The following PIEZO2 variants were observed in gnomAD, a reference collection of about 807,000 sequenced individuals.
The protein encoded by PIEZO2 is piezo-type mechanosensitive ion channel component 2.
PIEZO2 carries 172 observed loss-of-function variants against 337.3 expected under a neutral mutation model. The observed-to-expected ratio is 0.51, with a 90% CI of 0.45 to 0.58. The LOEUF (loss-of-function observed/expected upper bound fraction) is 0.58. Ranked by LOEUF, PIEZO2 falls within the 20% of genes least tolerant of loss-of-function variation. PIEZO2 has a pLI of 0.00. For synonymous variants in PIEZO2, 1,251 were observed against 1,228.5 expected (o/e 1.02, Z -0.38); for missense variants, 3,028 against 3,391.3 (o/e 0.89, Z 2.66).
intron 7 of PIEZO2, among the ~76,000 whole-genome samples, chr18:10,844,943 A>T (rs2041308915): frequency 6.6e-6 from 1 of 152,130 alleles, no homozygotes; most frequent in Non-Finnish European, 1.5e-5. Context: ...AGATTGCTTA[A>T]AACCAAAATT....
At chr18:10,797,671 T>G in intron 11 of PIEZO2, 149 bp from the exon 12 acceptor site, 1 of 1,281,980 alleles carries the variant, frequency 7.8e-7, no homozygotes, top group Non-Finnish European at 1.0e-6. Context: ...CCCTTAAAAT[T>G]CAAACAGAAT....
At position 10,705,633 on chromosome 18, in the gene PIEZO2, TCCCTGGGCTCAGG is replaced by T; in HGVS notation, c.5689_5701del (p.Pro1897ArgfsTer28). The T allele has an allele frequency of 6.5e-7, 1 of 1,537,116 alleles. No individual in the cohort carries two copies. The highest frequency in any genetic ancestry group is 8.7e-7 in the Non-Finnish European group (1 of 1,146,910). The stretch of plus-strand genomic sequence containing the variant: ...CCCAGTGGCCTCGTACTCCTTGGCC[TCCCTGGGCTCAGG>T]CGCCGTGCTCCCTGCCTCCTCCTCC... On this transcript the variant is annotated frameshift_variant, in exon 41 of 56. Coordinates refer to ENST00000674853, the MANE Select transcript of PIEZO2 (RefSeq NM_001378183.1). LOFTEE classifies it high-confidence loss of function.
At position 10,952,477 on chromosome 18, in the gene PIEZO2, T is replaced by C. The variant is rs1384080140; in HGVS notation, c.286+27058A>G. Among the ~76,000 whole-genome samples the C allele has an allele frequency of 1.3e-5, 2 of 152,202 alleles. No individual in the cohort carries two copies. Among genetic ancestry groups the C allele is most frequent in the East Asian group, 3.9e-4 (2 of 5,192 alleles). On this transcript the variant is annotated intron_variant, in intron 3 of 55. Transcript: ENST00000674853. This position sits in a 1 kb window ranked among gnomAD's most constrained non-coding sequence, Gnocchi z 4.1. ...AAATATAATCATATAGTATGTAGCA[T>C]TCTGATACTGTCTGAATTCACTTAA...
intron 7 of PIEZO2, among the ~76,000 whole-genome samples, chr18:10,843,787 A>G (rs2041266349): frequency 6.6e-6 from 1 of 152,142 alleles, no homozygotes; most frequent in Admixed American, 6.5e-5. Context: ...CCAGGGTTCA[A>G]ATGCTATGCA....
At chr18:10,803,161 G>C (rs549729372) in intron 9 of PIEZO2, among the ~76,000 whole-genome samples, 1 of 152,180 alleles carries the variant, frequency 6.6e-6, no homozygotes, top group South Asian at 2.1e-4. Context: ...ACCCCGACTG[G>C]ATCATTTATC....
chr18:11,045,298 A>T, intron 2 of PIEZO2, among the ~76,000 whole-genome samples: 1 of 103,252 alleles, frequency 9.7e-6, no homozygotes, highest in South Asian at 2.9e-4. Context: ...TCCGTCTCAA[A>T]AAAAAAAAAA....
intron 1 of PIEZO2, among the ~76,000 whole-genome samples, chr18:11,081,871 T>A (rs1289727591): frequency 3.9e-5 from 6 of 151,958 alleles, no homozygotes; most frequent in Admixed American, 3.9e-4. Context: ...GCGATTCTCC[T>A]GTCTCAGCCT....
In PIEZO2 at chr18:10,746,396, C is replaced by G. The variant is rs781709925; in HGVS notation, c.4424+2075G>C. Among the ~76,000 whole-genome samples the G allele has an allele frequency of 3.3e-5, 5 of 152,210 alleles. No individual in the cohort carries two copies. Among genetic ancestry groups the G allele is most frequent in the Non-Finnish European group, 5.9e-5 (4 of 68,050 alleles). The stretch of plus-strand genomic sequence containing the variant: ...GTGAGCTTCTGATGGCTACTTCCCT[C>G]CGTAGTTTCACTGGGCTGCTTCCCC... On this transcript the variant is annotated intron_variant, in intron 30 of 55. Coordinates refer to ENST00000674853, the MANE Select transcript of PIEZO2 (RefSeq NM_001378183.1). The surrounding 1 kb of genome is among the most constrained non-coding windows in gnomAD (Gnocchi z 4.2).
chr18:10,995,082 A>AAAAAAAAAAAAGAAAG (rs2035266381), intron 2 of PIEZO2, among the ~76,000 whole-genome samples: 5 of 128,134 alleles, frequency 3.9e-5, no homozygotes, highest in South Asian at 2.3e-4. Context: ...CGTCTCAAAA[A>AAAAAAAAAAAAGAAAG]AAAAAAAAAA....
Position 11,109,262 on chromosome 18 carries a change from A to G in PIEZO2, c.64+39263T>C, listed in dbSNP as rs2039661716. ...TCCACATGATCATTTAAGGAGGGTA[A>G]AAAGCTCCAGTCAAAGGTATTGCTG... On this transcript the variant is annotated intron_variant, in intron 1 of 55. Transcript: ENST00000674853. The surrounding 1 kb of genome is among the most constrained non-coding windows in gnomAD (Gnocchi z 5.1). 1.3e-5 allele frequency among the ~76,000 whole-genome samples: 2 copies of G among 152,230 alleles called. No individual in the cohort carries two copies. The highest frequency in any genetic ancestry group is 4.8e-5 in the African/African-American group (2 of 41,460).
In PIEZO2 at chr18:10,726,406, C is replaced by A. The variant is rs1222025280; in HGVS notation, c.5029+5001G>T. 2.0e-6 allele frequency: 3 copies of A among 1,528,168 alleles called. No homozygotes were observed. Among genetic ancestry groups the A allele is most frequent in the Non-Finnish European group, 1.7e-6 (2 of 1,144,298 alleles). 94.7% of individuals were successfully genotyped at this position (1,528,168 alleles called of 1,614,324 possible). ...CGGGGCGGTAACAACGCGCGCCAGC[C>A]GTGGCACAACGCGGAGGGCCGGCTG... is the stretch of plus-strand genomic sequence containing the variant. On this transcript the variant is annotated intron_variant, in intron 36 of 55. Transcript: ENST00000674853. This position sits in a 1 kb window ranked among gnomAD's most constrained non-coding sequence, Gnocchi z 5.9.
intron 38 of PIEZO2, 111 bp downstream of exon 38, chr18:10,715,539 A>G (rs990102305): frequency 9.8e-7 from 1 of 1,018,542 alleles, no homozygotes; most frequent in African/African-American, 1.6e-5. Flanking sequence ...TTATGCCACA[A>G]CTGCCTGGAA....
intron 2 of PIEZO2, among the ~76,000 whole-genome samples, chr18:11,024,735 G>A (rs2036469556): frequency 1.3e-5 from 2 of 151,744 alleles, no homozygotes; most frequent in African/African-American, 4.8e-5. Context: ...TCGTCTCCTG[G>A]ATTCAAGTGA....
At chr18:11,062,157 G>A (rs904857455) in intron 2 of PIEZO2, among the ~76,000 whole-genome samples, 2 of 151,914 alleles carry the variant, frequency 1.3e-5, no homozygotes, top group Non-Finnish European at 2.9e-5. Context: ...AAGAAATGGG[G>A]AAATGATTCC....
chr18:10,778,971 A>G (rs560847628), intron 18 of PIEZO2, among the ~76,000 whole-genome samples: 1 of 152,326 alleles, frequency 6.6e-6, no homozygotes, highest in East Asian at 1.9e-4. Flanking sequence ...GAGAGTGAGG[A>G]GTTCCTTATG....
At position 10,969,812 on chromosome 18, in the gene PIEZO2, T is replaced by C. The variant is rs754047543; in HGVS notation, c.286+9723A>G. Among the ~76,000 whole-genome samples, 4 of 152,062 alleles carry C rather than the reference T, an allele frequency of 2.6e-5. No homozygotes were observed. Among genetic ancestry groups the C allele is most frequent in the Non-Finnish European group, 5.9e-5 (4 of 68,026 alleles). ...CACTTAGCCGCTCTCCTCAATTGTT[T>C]ACTTGCAGGTCCAGCAGGTGAGGAC... is the stretch of plus-strand genomic sequence containing the variant. On this transcript the variant is annotated intron_variant, in intron 3 of 55. Coordinates refer to ENST00000674853, the MANE Select transcript of PIEZO2 (RefSeq NM_001378183.1). The surrounding 1 kb of genome is among the most constrained non-coding windows in gnomAD (Gnocchi z 4.5).
rs568239305 is a variant in PIEZO2, at chr18:10,985,028, A to G, written c.161-5368T>C. Reference sequence around the variant, plus strand: ...AATGAAGAACAAAGACTTTCCCAGAAAGGTAAAAGCTGGGAAATTTATAAC... The same window carrying G: ...AATGAAGAACAAAGACTTTCCCAGAGAGGTAAAAGCTGGGAAATTTATAAC... On this transcript the variant is annotated intron_variant, in intron 2 of 55. Coordinates refer to ENST00000674853, the MANE Select transcript of PIEZO2 (RefSeq NM_001378183.1). Among the ~76,000 whole-genome samples the G allele has an allele frequency of 4.5e-4, 69 of 152,218 alleles. 1 individual carries two copies. Among genetic ancestry groups the G allele is most frequent in the African/African-American group, 1.5e-3 (63 of 41,568 alleles).
At chr18:11,049,237 T>C (rs2145841070) in intron 2 of PIEZO2, among the ~76,000 whole-genome samples, 1 of 152,266 alleles carries the variant, frequency 6.6e-6, no homozygotes, top group South Asian at 2.1e-4. Flanking sequence ...CAGTGTTCTC[T>C]CCAGGATCAG....
chr18:10,941,920 G>A (rs1164994191), intron 3 of PIEZO2, among the ~76,000 whole-genome samples: 2 of 152,158 alleles, frequency 1.3e-5, no homozygotes, highest in South Asian at 2.1e-4. Context: ...AATCATGGGG[G>A]GTGGGTCTTT....
Sources: gnomAD v4.1 joint callset for allele counts (sites outside exome capture counted in the v4.1 genomes callset) on GRCh38, gnomAD v4.1.1 for gene constraint, Gnocchi (gnomAD v3.1) non-coding constraint, MANE v1.5 for transcripts, NCBI Gene and HGNC (gene_info 2026-07-23, HGNC 2026-07-21) for gene names.